The following ADAMTS9 variants were observed in gnomAD, a reference collection of about 807,000 sequenced individuals.
ADAMTS9 encodes A disintegrin and metalloproteinase with thrombospondin motifs 9.
In ADAMTS9, 107 loss-of-function variants were observed where a neutral mutation model predicts 257.1. The ratio of observed to expected loss-of-function variants is 0.42; its 90% CI spans 0.36 to 0.49. The LOEUF (loss-of-function observed/expected upper bound fraction) is 0.49, where lower values mean the gene tolerates loss of function less well. Among genes scored for constraint, ADAMTS9 ranks in the 20% least tolerant of loss-of-function variants. ADAMTS9 has a pLI of 0.03. For synonymous variants in ADAMTS9, 982 were observed against 880.9 expected, an observed-to-expected ratio of 1.11 and a Z score of -2.03; for missense variants, 2,353 against 2,469.1, an observed-to-expected ratio of 0.95 and a Z score of 1.00.
rs1050113959 is a variant in ADAMTS9, at chr3:64,532,152, C to T, written c.5718+1014G>A. 2.6e-5 allele frequency among the ~76,000 whole-genome samples: 4 copies of T among 152,326 alleles called. No homozygotes were observed. The South Asian group carries it at 8.3e-4, about 32-fold the overall frequency. ...TGAGAAACAGTACACAGTCGACACG[C>T]TCCTCAGTTTACAATGGGGTTATGT... On this transcript the variant is annotated intron_variant, in intron 38 of 39. Coordinates refer to ENST00000498707, the MANE Select transcript of ADAMTS9 (RefSeq NM_182920.2).
At chr3:64,676,727 C>T (rs1039676418) in intron 3 of ADAMTS9, among the ~76,000 whole-genome samples, 3 of 152,174 alleles carry the variant, frequency 2.0e-5, no homozygotes, top group African/African-American at 7.2e-5. Flanking sequence ...TAATAAACAA[C>T]ACTGTACTGG....
chr3:64,647,991 G>A lies in ADAMTS9; in HGVS notation c.1659C>T (p.Cys553=). 6.2e-7 allele frequency: 1 copy of A among 1,613,712 alleles called. No individual in the cohort carries two copies. The highest frequency in any genetic ancestry group is 8.5e-7 in the Non-Finnish European group (1 of 1,179,974). The change falls in exon 11 of 40, where the codon TGC becomes TGT. Residue 553 remains cysteine (C), a synonymous_variant. Coordinates refer to ENST00000498707, the MANE Select transcript of ADAMTS9 (RefSeq NM_182920.2). ...CGGCCCAGGGTGTGTGCTGAGTCCGGCAGCCTTTGTGTACTCCATTGACGT... is the reference window on the plus strand; with the variant it reads ...CGGCCCAGGGTGTGTGCTGAGTCCGACAGCCTTTGTGTACTCCATTGACGT... ...CNNVNGVHKG[C]RTQHTPWADG...
chr3:64,565,710 T>A (rs763491509), intron 29 of ADAMTS9: 3 of 152,240 alleles, frequency 2.0e-5, no homozygotes, highest in Non-Finnish European at 4.4e-5. Flanking sequence ...CATTTGTCAG[T>A]CTGAATCAAG....
At chr3:64,622,124 G>A (rs983931293) in intron 18 of ADAMTS9, 74 bp downstream of exon 18, 4 of 1,452,664 alleles carry the variant, frequency 2.8e-6, no homozygotes, top group Admixed American at 4.3e-5. Flanking sequence ...GCATGCATTT[G>A]GCTGTTATTA....
intron 30 of ADAMTS9, among the ~76,000 whole-genome samples, chr3:64,552,835 G>A (rs1005444480): frequency 3.3e-5 from 5 of 152,132 alleles, no homozygotes; most frequent in Non-Finnish European, 5.9e-5. Flanking sequence ...GGGATTACAG[G>A]CGTCAGCCAT....
chr3:64,623,378 A>G (rs1299191888), intron 16 of ADAMTS9, among the ~76,000 whole-genome samples: 3 of 152,206 alleles, frequency 2.0e-5, no homozygotes, highest in African/African-American at 7.2e-5. Context: ...GCAGCAGGGA[A>G]GTACTGACTC....
Position 64,649,709 on chromosome 3 carries a change from T to C in ADAMTS9, c.1533A>G (p.Pro511=). ...SRPYPLPVQL[P]GILYNVNKQC... is the part of the protein sequence containing the mutation. ...GTTTATTCACGTTGTAAAGGATGCC[T>C]GGCAGTTGGACAGGCAAAGGGTAGG... is the stretch of plus-strand genomic sequence containing the variant. The change falls in exon 10 of 40, where the codon CCA becomes CCG. Residue 511 remains proline (P), a synonymous_variant. Transcript: ENST00000498707. The C allele has an allele frequency of 6.2e-7, 1 of 1,614,070 alleles. No individual in the cohort carries two copies. Among genetic ancestry groups the C allele is most frequent in the South Asian group, 1.1e-5 (1 of 91,070 alleles).
chr3:64,613,568 G>C (rs2084707076), intron 21 of ADAMTS9, 59 bp from the exon 22 acceptor site: 3 of 1,538,604 alleles, frequency 1.9e-6, no homozygotes, highest in Non-Finnish European at 2.6e-6. Context: ...GTGGTTTCTG[G>C]GGTTATTTAT....
chr3:64,645,031 G>C lies in ADAMTS9; in HGVS notation c.1710+2909C>G, dbSNP rs1700750814. Among the ~76,000 whole-genome samples the C allele has an allele frequency of 2.6e-5, 4 of 152,196 alleles. No individual in the cohort carries two copies. The South Asian group carries it at 8.3e-4, about 32-fold the overall frequency. ...CTTCAGAGGAATATGAAAAGTGTCT[G>C]ATATGACAGATGCTGGGAAGGGGGT... On this transcript the variant is annotated intron_variant, in intron 11 of 39. Coordinates refer to ENST00000498707, the MANE Select transcript of ADAMTS9 (RefSeq NM_182920.2).
In ADAMTS9 at chr3:64,647,969, C is replaced by T; in HGVS notation, c.1681G>A (p.Ala561Thr). 2 of 1,613,942 alleles carry T rather than the reference C, an allele frequency of 1.2e-6. No homozygotes were observed. Among genetic ancestry groups the T allele is most frequent in the Non-Finnish European group, 1.7e-6 (2 of 1,179,990 alleles). The change falls in exon 11 of 40, where the codon GCC becomes ACC. Residue 561 changes from alanine to threonine, a missense_variant. Coordinates refer to ENST00000498707, the MANE Select transcript of ADAMTS9 (RefSeq NM_182920.2). ...CCAGGCTCGCACTCCGTCCCATCGG[C>T]CCAGGGTGTGTGCTGAGTCCGGCAG... ...KGCRTQHTPWADGTECEPGKH... is the reference protein window; with the variant it reads ...KGCRTQHTPWTDGTECEPGKH...
chr3:64,659,731 A>G (rs530818164), intron 3 of ADAMTS9, among the ~76,000 whole-genome samples: 1 of 152,304 alleles, frequency 6.6e-6, no homozygotes, highest in East Asian at 1.9e-4. Context: ...AAACTCCGAG[A>G]GTCTGGGCAG....
chr3:64,613,305 G>C (rs747597631), intron 22 of ADAMTS9, 40 bp downstream of exon 22: 6 of 1,599,002 alleles, frequency 3.8e-6, no homozygotes, highest in Non-Finnish European at 5.1e-6. Flanking sequence ...AGATAAGAAG[G>C]AAAGAATGTA....
chr3:64,687,751 G>T lies in ADAMTS9; in HGVS notation c.-94C>A, dbSNP rs900989268. On this transcript the variant is annotated 5_prime_UTR_variant, in exon 1 of 40. Transcript: ENST00000498707. The surrounding 1 kb of genome is among the most constrained non-coding windows in gnomAD (Gnocchi z 4.4). The stretch of plus-strand genomic sequence containing the variant: ...ACGCGAGGCAGCGGCCGTGGAGAGC[G>T]CGCGGAGCCCGGCGCCCGCCGCCAA... The T allele has an allele frequency of 9.8e-7, 1 of 1,025,104 alleles. No homozygotes were observed. The highest frequency in any genetic ancestry group is 1.3e-6 in the Non-Finnish European group (1 of 746,464). 63.5% of individuals were successfully genotyped at this position (1,025,104 alleles called of 1,614,324 possible).
chr3:64,601,939 C>T lies in ADAMTS9; in HGVS notation c.4017+5G>A. ...AGAAGCAAGCAAACTTCAGGGAATA[C>T]TCACTGCTCCCCAGGGGCCAGTTCT... On this transcript the variant is annotated splice_donor_5th_base_variant and intron_variant, in intron 26 of 39. Coordinates refer to ENST00000498707, the MANE Select transcript of ADAMTS9 (RefSeq NM_182920.2). The T allele has an allele frequency of 6.3e-7, 1 of 1,590,362 alleles. No individual in the cohort carries two copies. The highest frequency in any genetic ancestry group is 8.6e-7 in the Non-Finnish European group (1 of 1,167,560).
At chr3:64,678,160 G>A (rs1373651940) in intron 3 of ADAMTS9, among the ~76,000 whole-genome samples, 2 of 152,132 alleles carry the variant, frequency 1.3e-5, no homozygotes, top group African/African-American at 4.8e-5. Flanking sequence ...GTTCGGATGG[G>A]TTGGTGTTGA....
At chr3:64,651,985 A>G (rs902972992) in intron 8 of ADAMTS9, among the ~76,000 whole-genome samples, 1 of 152,328 alleles carries the variant, frequency 6.6e-6, no homozygotes, top group South Asian at 2.1e-4. Context: ...AGCCAGCAGG[A>G]GTGGAAAAAA....
At position 64,544,802 on chromosome 3, in the gene ADAMTS9, G is replaced by C. The variant is rs571296986; in HGVS notation, c.5064+1956C>G. ...ACTAAAGAGCTTCTGCACAGCAAAA[G>C]AAACTACCATCAGAGTGAACAGGCA... On this transcript the variant is annotated intron_variant, in intron 32 of 39. Transcript: ENST00000498707. Among the ~76,000 whole-genome samples the C allele has an allele frequency of 9.3e-4, 142 of 152,238 alleles. 1 individual carries two copies. The highest frequency in any genetic ancestry group is 5.6e-3 in the Admixed American group (86 of 15,292).
intron 25 of ADAMTS9, 106 bp from the exon 26 acceptor site, chr3:64,602,319 C>G (rs533329017): frequency 2.9e-6 from 4 of 1,371,330 alleles, no homozygotes; most frequent in Non-Finnish European, 4.0e-6. Context: ...CCAAATTGCT[C>G]AGGCCAAAAA....
At chr3:64,618,499 C>T (rs1452544988) in intron 19 of ADAMTS9, among the ~76,000 whole-genome samples, 4 of 152,080 alleles carry the variant, frequency 2.6e-5, no homozygotes, top group East Asian at 1.9e-4. Flanking sequence ...TAATAAAAAT[C>T]AGAGGATGAA....
Sources: gnomAD v4.1 joint callset for allele counts (sites outside exome capture counted in the v4.1 genomes callset) on GRCh38, gnomAD v4.1.1 for gene constraint, Gnocchi (gnomAD v3.1) non-coding constraint, MANE v1.5 for transcripts, NCBI Gene and HGNC (gene_info 2026-07-23, HGNC 2026-07-21) for gene names.